Variants in IDE observed in about 807,000 individuals in gnomAD.
IDE encodes insulin degrading enzyme, also known as insulin-degrading enzyme.
In IDE, 58 loss-of-function variants were observed where a neutral mutation model predicts 133.2. The ratio of observed to expected loss-of-function variants is 0.44; its 90% CI spans 0.35 to 0.54. IDE has a LOEUF of 0.54. Ranked by LOEUF, IDE falls within the 20% of genes least tolerant of loss-of-function variation. IDE has a pLI of 0.00. For synonymous variants in IDE, 396 were observed against 421.3 expected, an observed-to-expected ratio of 0.94 and a Z score of 0.73; for missense variants, 981 against 1,234.0, an observed-to-expected ratio of 0.79 and a Z score of 3.07.
intron 5 of IDE, among the ~76,000 whole-genome samples, chr10:92,511,779 A>G (rs1476856324): frequency 6.6e-6 from 1 of 152,176 alleles, no homozygotes; most frequent in African/African-American, 2.4e-5. Flanking sequence ...TGACAAGTGA[A>G]TTTAGGAATG....
At chr10:92,555,064 A>C (rs1262537636) in intron 1 of IDE, 1 of 152,248 alleles carries the variant, frequency 6.6e-6, no homozygotes, top group Non-Finnish European at 1.5e-5. Context: ...GAAGACAAGC[A>C]AACAATGAAC....
chr10:92,534,762 T>C lies in IDE; in HGVS notation c.307A>G (p.Ile103Val), dbSNP rs1841904140. ...TCACAAAAATGACTTAAGCCAGCAA[T>C]ATTTGGAGGATCCGACAATGAACCT... ...HIGSLSDPPN[I>V]AGLSHFCEHM... The change falls in exon 3 of 25, where the codon ATT becomes GTT. Residue 103 changes from isoleucine to valine, a missense_variant. Around this residue, in one of 2 missense-constraint regions of IDE, gnomAD observed 321 missense variants for 339.3 expected, o/e 0.95. Transcript: ENST00000265986. 1 of 1,613,490 alleles carries C rather than the reference T, an allele frequency of 6.2e-7. No individual in the cohort carries two copies.
intron 1 of IDE, among the ~76,000 whole-genome samples, chr10:92,564,691 A>AAAC (rs1843440455): frequency 6.9e-6 from 1 of 145,370 alleles, no homozygotes; most frequent in Non-Finnish European, 1.5e-5. Context: ...AAAAAAAAAA[A>AAAC]AAAAAAAAAA....
At chr10:92,479,240 G>A in intron 15 of IDE, 37 bp downstream of exon 15, 1 of 1,472,822 alleles carries the variant, frequency 6.8e-7, no homozygotes, top group Non-Finnish European at 9.2e-7. Context: ...TATAAAAAAT[G>A]TTGATGAGTG....
At chr10:92,573,499 C>T (rs1269205972) in intron 1 of IDE, among the ~76,000 whole-genome samples, 2 of 152,234 alleles carry the variant, frequency 1.3e-5, no homozygotes, top group Admixed American at 1.3e-4. Flanking sequence ...AGCGGTCCCC[C>T]CGAAGTCGCC....
intron 4 of IDE, among the ~76,000 whole-genome samples, chr10:92,522,017 AT>A (rs758686365): frequency 1.6e-4 from 25 of 152,128 alleles, no homozygotes; most frequent in Non-Finnish European, 3.2e-4. Context: ...ACATAGGGTC[AT>A]TATAGTATTT....
intron 1 of IDE, among the ~76,000 whole-genome samples, chr10:92,551,878 G>A (rs1213527248): frequency 6.6e-6 from 1 of 152,118 alleles, no homozygotes. Context: ...GCTCATGCTT[G>A]TTACCCCAGT....
intron 1 of IDE, among the ~76,000 whole-genome samples, chr10:92,546,368 A>G (rs1842533573): frequency 6.6e-6 from 1 of 152,218 alleles, no homozygotes; most frequent in African/African-American, 2.4e-5. Context: ...CTTTCAATTA[A>G]AAGTTCTTAA....
chr10:92,483,376 G>A (rs764725480), intron 13 of IDE, 39 bp from the exon 14 acceptor site: 52 of 1,084,622 alleles, frequency 4.8e-5, no homozygotes, highest in Middle Eastern at 2.0e-4. Context: ...AAATAGAGGC[G>A]CATTCAGCAA....
chr10:92,489,155 A>T (rs1029029851), intron 12 of IDE, among the ~76,000 whole-genome samples: 8 of 152,102 alleles, frequency 5.3e-5, no homozygotes, highest in African/African-American at 1.9e-4. Context: ...CGTTGGCCAT[A>T]TTTCTTAAGT....
At chr10:92,508,694 T>C (rs1848432963) in intron 7 of IDE, 34 bp downstream of exon 7, 1 of 1,595,910 alleles carries the variant, frequency 6.3e-7, no homozygotes, top group Admixed American at 1.7e-5. Context: ...AAAGATGTGG[T>C]GGACACTCAG....
chr10:92,526,725 A>T (rs927120309), intron 4 of IDE, among the ~76,000 whole-genome samples: 3 of 151,566 alleles, frequency 2.0e-5, no homozygotes, highest in African/African-American at 7.3e-5. Flanking sequence ...GTGTGCGTGT[A>T]GTCTCAGCTA....
intron 1 of IDE, among the ~76,000 whole-genome samples, chr10:92,565,120 G>A (rs1026789881): frequency 7.9e-5 from 12 of 151,588 alleles, no homozygotes; most frequent in Non-Finnish European, 1.2e-4. Context: ...GGTAGCGGGC[G>A]CCTGTAATTC....
chr10:92,492,187 A>G (rs1482764817), intron 11 of IDE, among the ~76,000 whole-genome samples: 2 of 151,630 alleles, frequency 1.3e-5, no homozygotes, highest in African/African-American at 2.4e-5. Context: ...GTGAACCCGG[A>G]AGGCGGAGCA....
chr10:92,473,829 A>G (rs752950761), intron 17 of IDE, among the ~76,000 whole-genome samples: 1 of 152,062 alleles, frequency 6.6e-6, no homozygotes, highest in African/African-American at 2.4e-5. Flanking sequence ...AAAAATACAA[A>G]AAGTTTGCCA....
chr10:92,562,955 C>T (rs1843346456), intron 1 of IDE, among the ~76,000 whole-genome samples: 2 of 152,092 alleles, frequency 1.3e-5, no homozygotes, highest in Non-Finnish European at 2.9e-5. Flanking sequence ...GCCTGGTCAA[C>T]ATGGTGAAAC....
At chr10:92,463,524 T>C (rs1367070886) in intron 21 of IDE, among the ~76,000 whole-genome samples, 1 of 151,990 alleles carries the variant, frequency 6.6e-6, no homozygotes, top group Admixed American at 6.6e-5. Flanking sequence ...GGTCTAGGTT[T>C]GGAGGGAAAA....
chr10:92,561,944 C>G (rs2135811150), intron 1 of IDE, among the ~76,000 whole-genome samples: 1 of 152,252 alleles, frequency 6.6e-6, no homozygotes, highest in South Asian at 2.1e-4. Flanking sequence ...GACTAACTTC[C>G]TCCAATCACT....
chr10:92,562,477 CTT>C (rs762051476), intron 1 of IDE, among the ~76,000 whole-genome samples: 87 of 152,350 alleles, frequency 5.7e-4, no homozygotes, highest in Non-Finnish European at 2.4e-4. Flanking sequence ...GTCAGAGTGA[CTT>C]TTCCACTACA....
Sources: gnomAD v4.1 joint callset for allele counts (sites outside exome capture counted in the v4.1 genomes callset) on GRCh38, gnomAD v4.1.1 for gene constraint, gnomAD v4.1.1 regional missense constraint, MANE v1.5 for transcripts, NCBI Gene and HGNC (gene_info 2026-07-23, HGNC 2026-07-21) for gene names.